DCAF7: variants seen among roughly 807,000 people sequenced by gnomAD.
The protein encoded by DCAF7 is DDB1 and CUL4 associated factor 7.
A neutral mutation model predicts 41.2 loss-of-function variants in DCAF7; 4 were observed. The observed-to-expected ratio is 0.10, with a 90% CI of 0.05 to 0.22. DCAF7 has a LOEUF of 0.22. DCAF7 is among the 10% of genes least tolerant of loss of function. The pLI is 1.00. For missense variants in DCAF7, 131 were observed against 443.2 expected (o/e 0.30, Z 6.32); for synonymous variants, 143 against 164.2 (o/e 0.87, Z 0.99).
intron 1 of DCAF7, among the ~76,000 whole-genome samples, chr17:63,570,811 GATTT>G (rs1476179090): frequency 6.6e-6 from 1 of 152,198 alleles, no homozygotes. Context: ...CAATTAGACA[GATTT>G]ATTTGTATTG....
intron 2 of DCAF7, 89 bp downstream of exon 2, chr17:63,578,717 A>G: frequency 6.4e-7 from 1 of 1,551,528 alleles, no homozygotes; most frequent in South Asian, 1.1e-5. Flanking sequence ...GACAGGGGTC[A>G]GAGGCAGCGA....
chr17:63,559,395 A>ATGTG (rs1568097797), intron 1 of DCAF7, among the ~76,000 whole-genome samples: 15 of 96,902 alleles, frequency 1.5e-4, no homozygotes, highest in African/African-American at 9.7e-4. Flanking sequence ...ATGTATATAT[A>ATGTG]TATGTATATA....
chr17:63,553,436 T>A (rs2033279710), intron 1 of DCAF7, among the ~76,000 whole-genome samples: 1 of 152,204 alleles, frequency 6.6e-6, no homozygotes, highest in African/African-American at 2.4e-5. Flanking sequence ...TAAGAAACCC[T>A]GCGAGAGAGA....
chr17:63,593,646 A>G lies in DCAF7; in HGVS notation c.*4474A>G, dbSNP rs1015356334. On this transcript the variant is annotated 3_prime_UTR_variant, in exon 7 of 7. Coordinates refer to ENST00000614556, the MANE Select transcript of DCAF7 (RefSeq NM_005828.5). Reference sequence around the variant, plus strand: ...GTTCTCACCTTGGGTTGATTGTGGTATACCATGTGTTATGAAAATTGTTGA... The same window carrying G: ...GTTCTCACCTTGGGTTGATTGTGGTGTACCATGTGTTATGAAAATTGTTGA... 5.2e-5 allele frequency: 8 copies of G among 152,658 alleles called. No homozygotes were observed. Among genetic ancestry groups the G allele is most frequent in the African/African-American group, 1.4e-4 (6 of 41,458 alleles). 9.5% of individuals were successfully genotyped at this position (152,658 alleles called of 1,614,324 possible).
rs1359636592 is a variant in DCAF7 at position 63,583,529 on chromosome 17, G to A, written c.556G>A (p.Gly186Arg). The A allele has an allele frequency of 1.9e-6, 3 of 1,613,780 alleles. No homozygotes were observed. The highest frequency in any genetic ancestry group is 1.7e-6 in the Non-Finnish European group (2 of 1,179,846). Residue 186 changes from glycine (G) to arginine (R), a missense_variant, in exon 5 of 7, where the codon GGG becomes AGG. Transcript: ENST00000614556. ...CTATGATATTGCATTTAGCCGGGCC[G>A]GGGGTGGCAGGGACATGTTTGCCTC... is the stretch of plus-strand genomic sequence containing the variant. The part of the protein sequence containing the change: ...EVYDIAFSRA[G>R]GGRDMFASVG...
At chr17:63,577,447 A>G (rs1331222858) in intron 1 of DCAF7, among the ~76,000 whole-genome samples, 1 of 152,176 alleles carries the variant, frequency 6.6e-6, no homozygotes, top group Non-Finnish European at 1.5e-5. Flanking sequence ...TTCATAAGCA[A>G]ATGTACAGTT....
At chr17:63,580,087 T>C in intron 4 of DCAF7, 144 bp downstream of exon 4, 2 of 689,772 alleles carry the variant, frequency 2.9e-6, no homozygotes, top group Admixed American at 5.7e-5. Context: ...ACAATAGTAA[T>C]GTATCAAAAA....
At chr17:63,583,476 G>T (rs1381631153) in intron 4 of DCAF7, 26 bp from the exon 5 acceptor site, 1 of 1,603,106 alleles carries the variant, frequency 6.2e-7, no homozygotes, top group South Asian at 1.1e-5. Flanking sequence ...ATCTGAATCT[G>T]ACTGGAGCTT....
At chr17:63,571,450 A>G (rs1426259014) in intron 1 of DCAF7, among the ~76,000 whole-genome samples, 2 of 152,158 alleles carry the variant, frequency 1.3e-5, no homozygotes, top group Non-Finnish European at 2.9e-5. Flanking sequence ...GAAAATACTT[A>G]AAAACTATAA....
At chr17:63,551,306 C>T (rs1401537574) in intron 1 of DCAF7, among the ~76,000 whole-genome samples, 1 of 129,140 alleles carries the variant, frequency 7.7e-6, no homozygotes, top group Non-Finnish European at 1.8e-5. Context: ...CCCCTACTCC[C>T]ACCCCCCCCG....
intron 1 of DCAF7, among the ~76,000 whole-genome samples, chr17:63,570,689 G>A (rs749798616): frequency 1.3e-5 from 2 of 152,080 alleles, no homozygotes; most frequent in Non-Finnish European, 2.9e-5. Context: ...ACATTATTAG[G>A]ATATATATTG....
intron 4 of DCAF7, 35 bp from the exon 5 acceptor site, chr17:63,583,467 T>G (rs750164675): frequency 6.3e-7 from 1 of 1,586,084 alleles, no homozygotes; most frequent in Admixed American, 1.7e-5. Flanking sequence ...AGGTAATGGA[T>G]CTGAATCTGA....
chr17:63,553,386 A>G (rs2033279525), intron 1 of DCAF7, among the ~76,000 whole-genome samples: 1 of 152,214 alleles, frequency 6.6e-6, no homozygotes, highest in Non-Finnish European at 1.5e-5. Flanking sequence ...TAATGGAAAT[A>G]TGGGGATAAT....
At chr17:63,557,560 A>C (rs1462409482) in intron 1 of DCAF7, among the ~76,000 whole-genome samples, 1 of 152,160 alleles carries the variant, frequency 6.6e-6, no homozygotes, top group African/African-American at 2.4e-5. Flanking sequence ...TGCTGAAAAC[A>C]GTAAAGGTTA....
chr17:63,559,748 G>A (rs1281702244), intron 1 of DCAF7, among the ~76,000 whole-genome samples: 2 of 151,928 alleles, frequency 1.3e-5, no homozygotes, highest in Admixed American at 1.3e-4. Context: ...ATTGCAGTGA[G>A]CCGAGATGGC....
intron 2 of DCAF7, 78 bp downstream of exon 2, chr17:63,578,706 A>C: frequency 6.3e-7 from 1 of 1,591,082 alleles, no homozygotes; most frequent in Admixed American, 1.7e-5. Context: ...GTCACAGAAC[A>C]GACAGGGGTC....
chr17:63,583,408 G>A (rs145342431), intron 4 of DCAF7, 94 bp from the exon 5 acceptor site: 8 of 1,090,936 alleles, frequency 7.3e-6, no homozygotes, highest in African/African-American at 6.2e-5. Flanking sequence ...TGTCATGAGC[G>A]AGGTTTAGAT....
chr17:63,555,069 A>C (rs917185989), intron 1 of DCAF7, among the ~76,000 whole-genome samples: 2 of 152,190 alleles, frequency 1.3e-5, no homozygotes, highest in African/African-American at 4.8e-5. Context: ...AGTCAGATAT[A>C]AGAATTTGGC....
intron 1 of DCAF7, among the ~76,000 whole-genome samples, chr17:63,552,715 T>C (rs6504165): frequency 0.33 from 50,718 of 152,114 alleles, 10,772 homozygotes; most frequent in African/African-American, 0.61. Flanking sequence ...CTCCTATTCC[T>C]CAGAGAGGAG....
Sources: gnomAD v4.1 joint callset for allele counts (sites outside exome capture counted in the v4.1 genomes callset) on GRCh38, gnomAD v4.1.1 for gene constraint, MANE v1.5 for transcripts, NCBI Gene and HGNC (gene_info 2026-07-23, HGNC 2026-07-21) for gene names.